LAMTOR4: variants seen among roughly 807,000 people sequenced by gnomAD.
LAMTOR4 encodes late endosomal/lysosomal adaptor, MAPK and MTOR activator 4, also known as ragulator complex protein LAMTOR4.
In LAMTOR4, 11 loss-of-function variants were observed where a neutral mutation model predicts 13.5. The ratio of observed to expected loss-of-function variants is 0.82; its 90% CI spans 0.51 to 1.35. LAMTOR4 has a LOEUF of 1.35. Among genes scored for constraint, LAMTOR4 ranks in the 40% most tolerant of loss-of-function variants. The pLI, the probability that LAMTOR4 is intolerant of heterozygous loss-of-function variation, is 0.00. For missense variants in LAMTOR4, 128 were observed against 126.2 expected, an observed-to-expected ratio of 1.01 and a Z score of -0.07; for synonymous variants, 69 against 52.3, an observed-to-expected ratio of 1.32 and a Z score of -1.38.
At chr7:100,153,322 C>A in intron 2 of LAMTOR4, 78 bp from the exon 3 acceptor site, 1 of 1,039,922 alleles carries the variant, frequency 9.6e-7, no homozygotes, top group South Asian at 1.4e-5. Context: ...GTGTGAGAAC[C>A]AAGGGGACTG....
At position 100,149,569 on chromosome 7, in the gene LAMTOR4, C is replaced by T; in HGVS notation, c.74C>T (p.Ala25Val). ...QLGYLVLSEG[A>V]VLASSGDLEN... Reference sequence around the variant, plus strand: ...GGCTACCTGGTACTGAGTGAAGGTGCAGTGCTGGCGGTGCGTTCTGGGAAA... The same window carrying T: ...GGCTACCTGGTACTGAGTGAAGGTGTAGTGCTGGCGGTGCGTTCTGGGAAA... Residue 25 changes from alanine (A) to valine (V), a missense_variant, in exon 2 of 4, where the codon GCA (alanine) becomes GTA (valine). Transcript: ENST00000341942. 6.2e-7 allele frequency: 1 copy of T among 1,613,700 alleles called. No individual in the cohort carries two copies. Among genetic ancestry groups the T allele is most frequent in the Non-Finnish European group, 8.5e-7 (1 of 1,179,664 alleles).
intron 2 of LAMTOR4, among the ~76,000 whole-genome samples, chr7:100,151,888 A>C (rs1346276968): frequency 6.7e-6 from 1 of 148,688 alleles, no homozygotes; most frequent in African/African-American, 2.5e-5. Flanking sequence ...AAATGTGTGG[A>C]GACAGGGGCC....
At chr7:100,149,031 C>A in intron 1 of LAMTOR4, 56 bp downstream of exon 1, 3 of 1,589,256 alleles carry the variant, frequency 1.9e-6, no homozygotes, top group South Asian at 2.3e-5. Context: ...TCTCTGCTCC[C>A]CAGTCTGTGT....
Position 100,153,521 on chromosome 7 carries a change from AGCCCCT to A in LAMTOR4, c.202+15_202+20del. ...GTGCCCTTCAAGCGCCTGTCTGGTG[AGCCCCT>A]GCCCCTGCCCTTGGTGGTGGTACTG... On this transcript the variant is annotated splice_donor_5th_base_variant and intron_variant, in intron 3 of 3. Coordinates refer to ENST00000341942, the MANE Select transcript of LAMTOR4 (RefSeq NM_001008395.4). 3 of 1,604,998 alleles carry A rather than the reference AGCCCCT, an allele frequency of 1.9e-6. No homozygotes were observed. The highest frequency in any genetic ancestry group is 2.5e-6 in the Non-Finnish European group (3 of 1,179,296).
chr7:100,149,501 T>A lies in LAMTOR4; in HGVS notation c.6T>A (p.Thr2=), dbSNP rs767168438. ...CGACTTGCATCTTTACCCACTAGAC[T>A]TCTGCGCTGACCCAGGGGCTGGAGC... M[T]SALTQGLERI... is the part of the protein sequence containing the mutation. Residue 2 remains threonine, a splice_region_variant and synonymous_variant, in exon 2 of 4, where the codon ACT becomes ACA. Transcript: ENST00000341942. 1 of 1,612,086 alleles carries A rather than the reference T, an allele frequency of 6.2e-7. No homozygotes were observed. The highest frequency in any genetic ancestry group is 8.5e-7 in the Non-Finnish European group (1 of 1,178,212).
Position 100,153,991 on chromosome 7 carries a change from AGC to A in LAMTOR4, c.*29_*30del, listed in dbSNP as rs745377577. 2.0e-6 allele frequency: 3 copies of A among 1,537,466 alleles called. No homozygotes were observed. The highest frequency in any genetic ancestry group is 2.7e-6 in the Non-Finnish European group (3 of 1,131,076). On this transcript the variant is annotated 3_prime_UTR_variant, in exon 4 of 4. Transcript: ENST00000341942. ...CCTGCCGGAGGGCGAGGGTCGGAGA[AGC>A]GGATTGGGTCCTGGGCCTCTGTGAT...
chr7:100,153,371 GC>G, intron 2 of LAMTOR4, 28 bp from the exon 3 acceptor site: 1 of 1,493,086 alleles, frequency 6.7e-7, no homozygotes. Context: ...CGTAATGCCC[GC>G]CCCTCTCCCT....
At chr7:100,152,404 A>AAAAC (rs71939843) in intron 2 of LAMTOR4, among the ~76,000 whole-genome samples, 78,481 of 151,240 alleles carry the variant, frequency 0.52, 20,537 homozygotes, top group East Asian at 0.68. Context: ...TCTGTCTCAA[A>AAAAC]AAACAAACAA....
intron 2 of LAMTOR4, among the ~76,000 whole-genome samples, chr7:100,152,257 C>G (rs936792618): frequency 6.6e-6 from 1 of 152,074 alleles, no homozygotes; most frequent in Non-Finnish European, 1.5e-5. Context: ...AAAAAATTAG[C>G]CTGGCATGGA....
At chr7:100,149,640 A>G in intron 2 of LAMTOR4, 61 bp downstream of exon 2, 3 of 1,251,062 alleles carry the variant, frequency 2.4e-6, no homozygotes, top group South Asian at 2.4e-5. Flanking sequence ...CCCTTCTAAT[A>G]TTGGCCCTTC....
At chr7:100,149,797 CTG>C (rs1220067693) in intron 2 of LAMTOR4, 18 of 451,748 alleles carry the variant, frequency 4.0e-5, no homozygotes, top group Non-Finnish European at 6.1e-5. Flanking sequence ...GTTTTTGAGA[CTG>C]AGTTTCGTTC....
At chr7:100,150,191 T>C (rs1292439649) in intron 2 of LAMTOR4, among the ~76,000 whole-genome samples, 1 of 152,170 alleles carries the variant, frequency 6.6e-6, no homozygotes, top group Non-Finnish European at 1.5e-5. Context: ...TGGTATTTCT[T>C]AAAGAGGCAT....
chr7:100,149,795 G>GA, intron 2 of LAMTOR4: 1 of 458,694 alleles, frequency 2.2e-6, no homozygotes, highest in East Asian at 3.5e-5. Flanking sequence ...TAGTTTTTGA[G>GA]ACTGAGTTTC....
Position 100,154,018 on chromosome 7 carries a change from T to TCACA in LAMTOR4, c.*54_*55insCACA. On this transcript the variant is annotated 3_prime_UTR_variant, in exon 4 of 4. Transcript: ENST00000341942. ...CGGATTGGGTCCTGGGCCTCTGTGATGAGGCAGGCACACCTGTCGGTCTTG... is the reference window on the plus strand; with the variant it reads ...CGGATTGGGTCCTGGGCCTCTGTGATCACAGAGGCAGGCACACCTGTCGGTCTTG... The TCACA allele has an allele frequency of 1.5e-6, 2 of 1,339,308 alleles. No individual in the cohort carries two copies. The highest frequency in any genetic ancestry group is 1.3e-5 in the South Asian group (1 of 79,830). The allele number at this position is 1,339,308 out of a possible 1,614,324, so 83.0% of individuals were successfully genotyped here.
intron 2 of LAMTOR4, chr7:100,149,856 A>C (rs1584608925): frequency 3.8e-6 from 1 of 263,592 alleles, no homozygotes; most frequent in South Asian, 6.5e-5. Context: ...GCTCACTGCA[A>C]CCTCCGCCTC....
At chr7:100,150,412 A>G (rs945863518) in intron 2 of LAMTOR4, among the ~76,000 whole-genome samples, 2 of 152,200 alleles carry the variant, frequency 1.3e-5, no homozygotes, top group African/African-American at 2.4e-5. Context: ...GAGTATTTAC[A>G]GTGGGGGAGG....
At chr7:100,153,037 G>A (rs1798752518) in intron 2 of LAMTOR4, among the ~76,000 whole-genome samples, 3 of 151,844 alleles carry the variant, frequency 2.0e-5, no homozygotes, top group Admixed American at 1.3e-4. Flanking sequence ...GTACGTGCCT[G>A]TAATCTCAGC....
At chr7:100,150,965 G>C (rs937168044) in intron 2 of LAMTOR4, among the ~76,000 whole-genome samples, 5 of 150,782 alleles carry the variant, frequency 3.3e-5, no homozygotes, top group Admixed American at 1.3e-4. Context: ...CTCCAGCCTG[G>C]GCGACAGAGC....
chr7:100,151,774 G>T (rs945529727), intron 2 of LAMTOR4, among the ~76,000 whole-genome samples: 8 of 151,002 alleles, frequency 5.3e-5, no homozygotes, highest in Non-Finnish European at 1.0e-4. Context: ...ACATCTCATT[G>T]TAGCCTTGAA....
Sources: allele counts gnomAD v4.1 joint callset (sites outside exome capture counted in the v4.1 genomes callset), GRCh38; gene constraint gnomAD v4.1.1; transcripts MANE v1.5; gene names NCBI Gene and HGNC (gene_info 2026-07-23, HGNC 2026-07-21).